The following PBX3 variants were observed in gnomAD, a reference collection of about 807,000 sequenced individuals.
PBX3 encodes the protein PBX homeobox 3.
In PBX3, 14 loss-of-function variants were observed where a neutral mutation model predicts 48.5. The ratio of observed to expected loss-of-function variants is 0.29; its 90% CI spans 0.19 to 0.45. PBX3 has a LOEUF of 0.45. PBX3 is among the 20% of genes least tolerant of loss of function. The pLI is 1.00. For synonymous variants in PBX3, 210 were observed against 200.3 expected (o/e 1.05, Z -0.41); for missense variants, 386 against 546.7 (o/e 0.71, Z 2.93).
At chr9:125,820,298 G>GA (rs940500745) in intron 2 of PBX3, among the ~76,000 whole-genome samples, 2 of 152,224 alleles carry the variant, frequency 1.3e-5, no homozygotes, top group Admixed American at 6.5e-5. Context: ...TGTGAAACAA[G>GA]ACACTTGATA....
intron 2 of PBX3, among the ~76,000 whole-genome samples, chr9:125,875,562 T>A (rs1840228617): frequency 6.6e-6 from 1 of 152,040 alleles, no homozygotes; most frequent in African/African-American, 2.4e-5. Context: ...TTTGAAAAAA[T>A]TGGCATTTGG....
At chr9:125,908,372 G>C (rs1235728558) in intron 2 of PBX3, among the ~76,000 whole-genome samples, 1 of 152,102 alleles carries the variant, frequency 6.6e-6, no homozygotes, top group Non-Finnish European at 1.5e-5. Flanking sequence ...GGAAATGGAA[G>C]TGCTATGGCG....
At chr9:125,800,832 A>AAC (rs1199715432) in intron 2 of PBX3, among the ~76,000 whole-genome samples, 3 of 148,898 alleles carry the variant, frequency 2.0e-5, no homozygotes, top group Non-Finnish European at 4.4e-5. Flanking sequence ...CGGCTCACTG[A>AAC]AACCTCTACC....
chr9:125,865,480 T>G (rs1839956528), intron 2 of PBX3, among the ~76,000 whole-genome samples: 1 of 152,194 alleles, frequency 6.6e-6, no homozygotes, highest in South Asian at 2.1e-4. Context: ...TAGATGAAAA[T>G]ATAAGTTTCT....
chr9:125,866,385 C>G (rs1839981424), intron 2 of PBX3, among the ~76,000 whole-genome samples: 1 of 152,062 alleles, frequency 6.6e-6, no homozygotes, highest in Admixed American at 6.5e-5. Context: ...TGGCATTATT[C>G]TAACTAGAAG....
intron 4 of PBX3, among the ~76,000 whole-genome samples, chr9:125,930,643 T>C (rs538274526): frequency 6.6e-6 from 1 of 152,368 alleles, no homozygotes; most frequent in South Asian, 2.1e-4. Flanking sequence ...ATAACTAAGA[T>C]AGCTTCTCAA....
chr9:125,800,794 C>T (rs961043718), intron 2 of PBX3, among the ~76,000 whole-genome samples: 1 of 143,048 alleles, frequency 7.0e-6, no homozygotes, highest in African/African-American at 2.6e-5. Flanking sequence ...CTTCTTGTGG[C>T]CCGAGCTGGA....
intron 2 of PBX3, among the ~76,000 whole-genome samples, chr9:125,869,087 T>A (rs942080239): frequency 1.9e-4 from 29 of 152,196 alleles, no homozygotes; most frequent in African/African-American, 5.1e-4. Context: ...GCATATTTTT[T>A]AAAAATTCAA....
chr9:125,823,638 T>TA (rs1021821416), intron 2 of PBX3, among the ~76,000 whole-genome samples: 2 of 151,994 alleles, frequency 1.3e-5, no homozygotes, highest in African/African-American at 4.8e-5. Flanking sequence ...TCTCCTTTTT[T>TA]AAAAAAAGAA....
rs776968695 is a variant in PBX3, at chr9:125,896,162, A to G, written c.275-19524A>G. Among the ~76,000 whole-genome samples the G allele has an allele frequency of 6.6e-5, 10 of 152,100 alleles. No individual in the cohort carries two copies. The East Asian group carries it at 9.7e-4, about 15-fold the overall frequency. On this transcript the variant is annotated intron_variant, in intron 2 of 8. Coordinates refer to ENST00000373489, the MANE Select transcript of PBX3 (RefSeq NM_006195.6). ...GCTGATGAAATGGGTTAATCTCTCA[A>G]TAGAGCTATTTCCTTAATTCACCAC...
intron 2 of PBX3, chr9:125,749,667 C>G (rs186902876): frequency 6.7e-6 from 1 of 150,290 alleles, no homozygotes; most frequent in Admixed American, 6.7e-5. Flanking sequence ...ATAGCACTAT[C>G]CAAGGGAGGC....
intron 2 of PBX3, among the ~76,000 whole-genome samples, chr9:125,776,247 CCATGTTGAGGAAGTT>C (rs1328138579): frequency 5.3e-5 from 8 of 152,074 alleles, no homozygotes; most frequent in Non-Finnish European, 2.9e-5. Flanking sequence ...AAGCTATTTA[CCATGTTGAGGAAGTT>C]CACTTTTATT....
chr9:125,913,380 A>G (rs1841249288), intron 2 of PBX3, among the ~76,000 whole-genome samples: 1 of 152,156 alleles, frequency 6.6e-6, no homozygotes, highest in African/African-American at 2.4e-5. Context: ...CGTTATAGTA[A>G]TTGATACTGT....
chr9:125,854,481 CT>C (rs969401479), intron 2 of PBX3, among the ~76,000 whole-genome samples: 22 of 152,132 alleles, frequency 1.4e-4, no homozygotes, highest in Non-Finnish European at 2.5e-4. Context: ...TGGACACCCC[CT>C]GCTTCCCAAA....
At chr9:125,847,554 A>G (rs1465988660) in intron 2 of PBX3, among the ~76,000 whole-genome samples, 2 of 152,002 alleles carry the variant, frequency 1.3e-5, no homozygotes, top group Non-Finnish European at 2.9e-5. Flanking sequence ...GTATGCTCAT[A>G]ATTGTTTTCC....
Position 125,861,686 on chromosome 9 carries a change from A to G in PBX3, c.275-54000A>G, listed in dbSNP as rs538363963. On this transcript the variant is annotated intron_variant, in intron 2 of 8. Transcript: ENST00000373489. Reference sequence around the variant, plus strand: ...TGCTACAACATGTATGAACCTTGCCAACATTTTGTCAAGTGAGAGAAACCA... The same window carrying G: ...TGCTACAACATGTATGAACCTTGCCGACATTTTGTCAAGTGAGAGAAACCA... Among the ~76,000 whole-genome samples the G allele has an allele frequency of 3.9e-5, 6 of 152,348 alleles. No homozygotes were observed. The East Asian group carries it at 1.2e-3, about 29-fold the overall frequency.
chr9:125,842,585 A>G (rs898509884), intron 2 of PBX3, among the ~76,000 whole-genome samples: 4 of 152,232 alleles, frequency 2.6e-5, no homozygotes, highest in Non-Finnish European at 2.9e-5. Flanking sequence ...TTAGTAGGAG[A>G]GGACTAAGGA....
chr9:125,939,110 ATTG>A (rs1841903642), intron 5 of PBX3, among the ~76,000 whole-genome samples: 2 of 152,196 alleles, frequency 1.3e-5, no homozygotes, highest in African/African-American at 4.8e-5. Flanking sequence ...TGCTATTTTT[ATTG>A]TTGCAGCTTT....
chr9:125,826,849 T>A (rs1350870973), intron 2 of PBX3, among the ~76,000 whole-genome samples: 2 of 152,218 alleles, frequency 1.3e-5, no homozygotes, highest in Non-Finnish European at 2.9e-5. Flanking sequence ...TCCATCACCT[T>A]AAGTATTTAT....
Sources: allele counts gnomAD v4.1 joint callset (sites outside exome capture counted in the v4.1 genomes callset), GRCh38; gene constraint gnomAD v4.1.1; transcripts MANE v1.5; gene names NCBI Gene and HGNC (gene_info 2026-07-23, HGNC 2026-07-21).